The following RIF1 variants were observed in gnomAD, a reference collection of about 807,000 sequenced individuals.
RIF1 encodes the protein replication timing regulatory factor 1.
RIF1 carries 45 observed loss-of-function variants against 247.1 expected under a neutral mutation model. The observed-to-expected ratio is 0.18, with a 90% CI of 0.14 to 0.23. RIF1 has a LOEUF of 0.23. RIF1 is among the 10% of genes least tolerant of loss of function. The pLI is 1.00. For missense variants in RIF1, 2,967 were observed against 2,862.5 expected, an observed-to-expected ratio of 1.04 and a Z score of -0.83; for synonymous variants, 1,087 against 978.8, an observed-to-expected ratio of 1.11 and a Z score of -2.06.
chr2:151,445,536 GT>G (rs1330318787), intron 19 of RIF1, 91 bp downstream of exon 19: 4 of 762,060 alleles, frequency 5.2e-6, no homozygotes, highest in Non-Finnish European at 9.1e-6. Flanking sequence ...ACAATGATTT[GT>G]TTTTCTTTTT....
intron 19 of RIF1, among the ~76,000 whole-genome samples, 159 bp from the exon 20 acceptor site, chr2:151,446,267 G>A (rs1355195267): frequency 6.6e-6 from 1 of 152,160 alleles, no homozygotes; most frequent in Non-Finnish European, 1.5e-5. Flanking sequence ...CCAGAGTGCT[G>A]GGGTTACAGG....
intron 30 of RIF1, among the ~76,000 whole-genome samples, chr2:151,467,425 T>C (rs1697103277): frequency 1.3e-5 from 2 of 151,728 alleles, no homozygotes; most frequent in Admixed American, 1.3e-4. Flanking sequence ...GCTCACTGCA[T>C]GCTCTGCCTC....
chr2:151,525,917 T>G, the RIF1 span: 1 of 1,464,458 alleles, frequency 6.8e-7, no homozygotes. Context: ...TACAGTCAAG[T>G]GGCATTGTTG....
chr2:151,443,297 C>T lies in RIF1; in HGVS notation c.1773C>T (p.Asn591=), dbSNP rs1317891553. The T allele has an allele frequency of 6.2e-7, 1 of 1,601,940 alleles. No individual in the cohort carries two copies. The highest frequency in any genetic ancestry group is 8.5e-7 in the Non-Finnish European group (1 of 1,170,502). ...PALFLIQLIF[N]NFLECGVSDE... ...TGTTCTTAATTCAATTAATTTTCAA[C>T]AATTTCTTGGAATGTGGTGTATCAG... The change falls in exon 17 of 36, where the codon AAC becomes AAT. Residue 591 remains asparagine (N), a synonymous_variant. Coordinates refer to ENST00000444746, the MANE Select transcript of RIF1 (RefSeq NM_018151.5).
chr2:151,508,095 T>G (rs1339837746), downstream of RIF1: 7 of 1,604,690 alleles, frequency 4.4e-6, no homozygotes, highest in South Asian at 3.4e-5. Flanking sequence ...TCTCAGCATC[T>G]TCCTTGTACT....
intron 9 of RIF1, among the ~76,000 whole-genome samples, chr2:151,494,794 G>C (rs907159466): frequency 6.6e-6 from 1 of 152,046 alleles, no homozygotes; most frequent in Non-Finnish European, 1.5e-5. Context: ...GATTACAGGC[G>C]TGCACCACCA....
At chr2:151,449,822 A>T (rs1199732145) in intron 20 of RIF1, among the ~76,000 whole-genome samples, 1 of 148,368 alleles carries the variant, frequency 6.7e-6, no homozygotes, top group African/African-American at 2.5e-5. Context: ...GCCATCAGTG[A>T]TCATATAGAC....
the RIF1 span, among the ~76,000 whole-genome samples, chr2:151,527,907 G>A: frequency 5.9e-5 from 9 of 152,118 alleles, no homozygotes; most frequent in African/African-American, 1.9e-4. Flanking sequence ...AACTAAATTC[G>A]GGTTTAATTT....
At chr2:151,418,211 A>G (rs1268076105) in intron 6 of RIF1, among the ~76,000 whole-genome samples, 2 of 152,164 alleles carry the variant, frequency 1.3e-5, no homozygotes, top group Non-Finnish European at 2.9e-5. Context: ...TACTTTCTGT[A>G]ACTTTATTTT....
intron 8 of RIF1, chr2:151,423,692 C>A (rs984311795): frequency 2.0e-5 from 3 of 152,128 alleles, no homozygotes; most frequent in Admixed American, 6.6e-5. Context: ...ATTTAGTGTT[C>A]AAGGCTACTT....
chr2:151,524,762 A>G, the RIF1 span: 1 of 666,770 alleles, frequency 1.5e-6, no homozygotes, highest in Admixed American at 3.4e-5. Flanking sequence ...TGTCTCCCGG[A>G]TTCAAGTGAT....
intron 3 of RIF1, among the ~76,000 whole-genome samples, chr2:151,412,251 A>T (rs1293999830): frequency 4.7e-5 from 1 of 21,392 alleles, no homozygotes; most frequent in African/African-American, 6.0e-5. Flanking sequence ...TTGAACTTTT[A>T]TCTCCAAAGT....
In RIF1 at chr2:151,457,918, C is replaced by A. The variant is rs746535030; in HGVS notation, c.2810C>A (p.Ala937Asp). ...AAACAGAGTGCTCAGTTCTGGAATG[C>A]CACTTTTGCCAAAGTGATGATGTTG... Reference protein sequence around the residue: ...IRKQSAQFWNATFAKVMMLVY... With the variant: ...IRKQSAQFWNDTFAKVMMLVY... The change falls in exon 24 of 36, where the codon GCC becomes GAC. Residue 937 changes from alanine to aspartate, a missense_variant. Physicochemically the swap from Ala to Asp is moderately radical, Grantham distance 126 (BLOSUM62 -2). Transcript: ENST00000444746. 1 of 1,613,760 alleles carries A rather than the reference C, an allele frequency of 6.2e-7. No individual in the cohort carries two copies. Among genetic ancestry groups the A allele is most frequent in the Non-Finnish European group, 8.5e-7 (1 of 1,179,852 alleles).
chr2:151,416,991 C>T (rs914536193), intron 6 of RIF1, 90 bp downstream of exon 6: 1 of 815,598 alleles, frequency 1.2e-6, no homozygotes, highest in Non-Finnish European at 2.0e-6. Flanking sequence ...GAGAGACAGA[C>T]ATTAAAAGGG....
chr2:151,410,866 G>C (rs1686053276), intron 2 of RIF1, among the ~76,000 whole-genome samples: 1 of 21,126 alleles, frequency 4.7e-5, no homozygotes, highest in Middle Eastern at 0.028. Flanking sequence ...GCTACCCAGA[G>C]TTTTTTTAAC....
the RIF1 span, chr2:151,524,748 C>T: frequency 1.4e-6 from 1 of 699,832 alleles, no homozygotes; most frequent in East Asian, 2.9e-5. Context: ...CTCACTGCAA[C>T]TTCTGTCTCC....
At position 151,463,791 on chromosome 2, in the gene RIF1, T is replaced by C; in HGVS notation, c.4271T>C (p.Val1424Ala). The C allele has an allele frequency of 1.2e-6, 2 of 1,613,444 alleles. No individual in the cohort carries two copies. The highest frequency in any genetic ancestry group is 1.7e-6 in the Non-Finnish European group (2 of 1,179,860). ...CGGTCTTCAAGGCGACGTTCAGAAG[T>C]AGTAGAGTCTACCACTGAAAGCCAA... ...LRRSSRRRSE[V>A]VESTTESQDK... The change falls in exon 30 of 36, where the codon GTA becomes GCA. Residue 1424 changes from valine (V) to alanine (A), a missense_variant. By Grantham distance (64) the Val-to-Ala change is moderately conservative. This residue lies in a region of RIF1 where 2,028 missense variants were observed against 1,825.6 expected (regional missense o/e 1.11). Transcript: ENST00000444746.
At chr2:151,519,809 A>C in the RIF1 span, 1 of 1,353,316 alleles carries the variant, frequency 7.4e-7, no homozygotes, top group Non-Finnish European at 1.1e-6. Flanking sequence ...CCTGGACATC[A>C]ATCAATTTGG....
intron 8 of RIF1, chr2:151,423,383 C>T: frequency 5.3e-6 from 1 of 188,588 alleles, no homozygotes; most frequent in Non-Finnish European, 1.1e-5. Flanking sequence ...TTTCACTTTT[C>T]TGTGCTTTTC....
Sources: allele counts gnomAD v4.1 joint callset (sites outside exome capture counted in the v4.1 genomes callset), GRCh38; gene constraint gnomAD v4.1.1; regional missense constraint gnomAD v4.1.1; transcripts MANE v1.5; gene names NCBI Gene and HGNC (gene_info 2026-07-23, HGNC 2026-07-21).